Variants in TJAP1 observed in about 807,000 individuals in gnomAD.
TJAP1 encodes tight junction associated protein 1.
In TJAP1, 27 loss-of-function variants were observed where a neutral mutation model predicts 42.0. That is an observed-to-expected ratio of 0.64 (90% confidence interval 0.47 to 0.89). TJAP1 has a LOEUF of 0.89. Among genes scored for constraint, TJAP1 ranks in the 40% least tolerant of loss-of-function variants. The probability of loss-of-function intolerance (pLI) is 0.00; values close to 1 mark genes in which losing one functional copy is unlikely to be tolerated. For synonymous variants in TJAP1, 257 were observed against 288.4 expected (o/e 0.89, Z 1.10); for missense variants, 712 against 726.9 (o/e 0.98, Z 0.24).
At position 43,505,965 on chromosome 6, in the gene TJAP1, C is replaced by T. The variant is rs1235841194; in HGVS notation, c.*110C>T. ...CCCTTGACCTCTCCTCTATCCAGAC[C>T]CGCACAGCTGTTTCCTGTGTGGATG... On this transcript the variant is annotated 3_prime_UTR_variant, in exon 11 of 11. Transcript: ENST00000372449. This position sits in a 1 kb window ranked among gnomAD's most constrained non-coding sequence, Gnocchi z 5.5. The T allele has an allele frequency of 3.3e-6, 4 of 1,207,792 alleles. No individual in the cohort carries two copies. In the East Asian group the frequency reaches 8.1e-5, roughly 25 times the overall value. 74.8% of individuals were successfully genotyped at this position (1,207,792 alleles called of 1,614,324 possible).
At chr6:43,490,696 G>A (rs925209801) in intron 2 of TJAP1, among the ~76,000 whole-genome samples, 6 of 152,198 alleles carry the variant, frequency 3.9e-5, no homozygotes, top group African/African-American at 7.2e-5. Flanking sequence ...ATTGGTGACC[G>A]TTGCTCTGGG....
At chr6:43,484,091 A>T (rs1785907383) in intron 2 of TJAP1, among the ~76,000 whole-genome samples, 1 of 152,062 alleles carries the variant, frequency 6.6e-6, no homozygotes, top group African/African-American at 2.4e-5. Context: ...ACAAAAAAAA[A>T]AATAAAATAT....
At position 43,495,258 on chromosome 6, in the gene TJAP1, C is replaced by T. The variant is rs1245498421; in HGVS notation, c.-121-2623C>T. Among the ~76,000 whole-genome samples, 2 of 152,258 alleles carry T rather than the reference C, an allele frequency of 1.3e-5. No individual in the cohort carries two copies. Among genetic ancestry groups the T allele is most frequent in the Non-Finnish European group, 2.9e-5 (2 of 68,048 alleles). Reference sequence around the variant, plus strand: ...ATGCTTCTCTCTTTGTTATCCACTGCACCATGCATCACTGTCCTCCTTGGG... The same window carrying T: ...ATGCTTCTCTCTTTGTTATCCACTGTACCATGCATCACTGTCCTCCTTGGG... On this transcript the variant is annotated intron_variant, in intron 2 of 10. Coordinates refer to ENST00000372449, the Ensembl canonical transcript of TJAP1. This position sits in a 1 kb window ranked among gnomAD's most constrained non-coding sequence, Gnocchi z 4.6.
In TJAP1 at chr6:43,492,937, A is replaced by G. The variant is rs541963078; in HGVS notation, c.-121-4944A>G. On this transcript the variant is annotated intron_variant, in intron 2 of 10. Transcript: ENST00000372449. This position sits in a 1 kb window ranked among gnomAD's most constrained non-coding sequence, Gnocchi z 4.2. Reference sequence around the variant, plus strand: ...ACATCCAGCACTTACAGCTCAGGACAGTTCCTGAGGGGGAGGCCCCAGTCC... The same window carrying G: ...ACATCCAGCACTTACAGCTCAGGACGGTTCCTGAGGGGGAGGCCCCAGTCC... 3.3e-5 allele frequency among the ~76,000 whole-genome samples: 5 copies of G among 152,176 alleles called. No individual in the cohort carries two copies. Among genetic ancestry groups the G allele is most frequent in the Non-Finnish European group, 5.9e-5 (4 of 68,028 alleles).
intron 8 of TJAP1, chr6:43,503,024 C>G: frequency 2.2e-6 from 1 of 448,050 alleles, no homozygotes. Context: ...CTTCCCTCTC[C>G]TAGCCTGATG....
In TJAP1 at chr6:43,505,186, T is replaced by C. The variant is rs763262794; in HGVS notation, c.1005T>C (p.Ser335=). ...CTGGCCGCAGGGTAATAGAGTTCTC[T>C]GAGGATAAGGTTCGGATCCCCCGCA... The change falls in exon 11 of 11, where the codon TCT becomes TCC. Residue 335 remains serine, a synonymous_variant. Coordinates refer to ENST00000372449, the Ensembl canonical transcript of TJAP1. This position sits in a 1 kb window ranked among gnomAD's most constrained non-coding sequence, Gnocchi z 5.5. 1 of 1,614,174 alleles carries C rather than the reference T, an allele frequency of 6.2e-7. No individual in the cohort carries two copies. The highest frequency in any genetic ancestry group is 8.5e-7 in the Non-Finnish European group (1 of 1,180,014).
At chr6:43,506,098 A>G (rs1471635653) in exon 11 of TJAP1, 2 of 381,224 alleles carry the variant, frequency 5.2e-6, no homozygotes, top group African/African-American at 2.1e-5. Flanking sequence ...CAGAGGTAAC[A>G]TGCAGTTGGG....
At chr6:43,494,189 T>C (rs1788491798) in intron 2 of TJAP1, among the ~76,000 whole-genome samples, 2 of 152,186 alleles carry the variant, frequency 1.3e-5, no homozygotes, top group Non-Finnish European at 2.9e-5. Flanking sequence ...AATTGCAACA[T>C]GGCAATTAGG....
intron 8 of TJAP1, 69 bp from the exon 9 acceptor site, chr6:43,503,332 G>C (rs1791408953): frequency 1.6e-6 from 2 of 1,227,884 alleles, no homozygotes; most frequent in Non-Finnish European, 2.4e-6. Flanking sequence ...CTCCAGGATG[G>C]GAGGAGGTGG....
At chr6:43,503,579 T>C (rs1791472110) in intron 9 of TJAP1, 44 bp from the exon 10 acceptor site, 1 of 1,611,276 alleles carries the variant, frequency 6.2e-7, no homozygotes, top group Non-Finnish European at 8.5e-7. Context: ...CCTGCTTCCT[T>C]GGAGAGGGCT....
In TJAP1 at chr6:43,505,761, GC is replaced by G; in HGVS notation, c.1585del (p.Gln529SerfsTer18). The G allele has an allele frequency of 2.6e-6, 4 of 1,517,936 alleles. No homozygotes were observed. The highest frequency in any genetic ancestry group is 1.3e-5 in the South Asian group (1 of 75,854). The allele number at this position is 1,517,936 out of a possible 1,614,324, so 94.0% of individuals were successfully genotyped here. A position where few individuals can be genotyped will look rare whatever the true frequency, so the allele number is the denominator to read the frequency against. On this transcript the variant is annotated frameshift_variant, in exon 11 of 11. Coordinates refer to ENST00000372449, the Ensembl canonical transcript of TJAP1. LOFTEE classifies it high-confidence loss of function. The surrounding 1 kb of genome is among the most constrained non-coding windows in gnomAD (Gnocchi z 5.5). ...GCCTGGCCACTCCCCAGCTCCAGTCGCCCCCAGCGCAGCCCCAAGAGGATGG... is the reference window on the plus strand; with the variant it reads ...GCCTGGCCACTCCCCAGCTCCAGTCGCCCCAGCGCAGCCCCAAGAGGATGG...
At position 43,491,679 on chromosome 6, in the gene TJAP1, A is replaced by G. The variant is rs1331685895; in HGVS notation, c.-121-6202A>G. ...TTAAGGATTTATAGTACTGATCAAT[A>G]TCCATGTGGAAATGAATTTTATTAT... On this transcript the variant is annotated intron_variant, in intron 2 of 10. Transcript: ENST00000372449. The surrounding 1 kb of genome is among the most constrained non-coding windows in gnomAD (Gnocchi z 4.6). Among the ~76,000 whole-genome samples the G allele has an allele frequency of 6.6e-6, 1 of 152,236 alleles. No homozygotes were observed. Among genetic ancestry groups the G allele is most frequent in the Non-Finnish European group, 1.5e-5 (1 of 68,030 alleles).
intron 2 of TJAP1, among the ~76,000 whole-genome samples, chr6:43,494,463 A>C (rs1194029737): frequency 2.0e-5 from 3 of 151,964 alleles, no homozygotes; most frequent in African/African-American, 7.3e-5. Flanking sequence ...GCCCCAGGCC[A>C]CGCTAGGTCA....
rs764777710 is a variant in TJAP1, at chr6:43,504,756, C to T, written c.580-5C>T. On this transcript the variant is annotated splice_polypyrimidine_tract_variant and splice_region_variant and intron_variant, in intron 10 of 10. Coordinates refer to ENST00000372449, the Ensembl canonical transcript of TJAP1. ...ATGTCTCTCTTTCCTGCTCTTTTAC[C>T]TCAGCTGCCCTGTGAGCTACAGGAC... 2 of 1,605,544 alleles carry T rather than the reference C, an allele frequency of 1.2e-6. No homozygotes were observed. The highest frequency in any genetic ancestry group is 1.7e-6 in the Non-Finnish European group (2 of 1,173,546).
In TJAP1 at chr6:43,502,631, T is replaced by G. The variant is rs1396385073; in HGVS notation, c.387+14T>G. 1 of 1,551,734 alleles carries G rather than the reference T, an allele frequency of 6.4e-7. No homozygotes were observed. On this transcript the variant is annotated intron_variant, in intron 8 of 10. Transcript: ENST00000372449. The stretch of plus-strand genomic sequence containing the variant: ...TGGATTTTTGCAGTTGCGTCTGAGT[T>G]TGTGTGTCTTCTCCCTTGCCCTGGC...
exon 8 of TJAP1, chr6:43,502,612 T>G: frequency 6.4e-7 from 1 of 1,551,784 alleles, no homozygotes; most frequent in Non-Finnish European, 8.7e-7. Flanking sequence ...CAGCTGGATT[T>G]TTGCAGTTGC....
chr6:43,485,601 A>C (rs1786273783), intron 2 of TJAP1, among the ~76,000 whole-genome samples: 1 of 152,162 alleles, frequency 6.6e-6, no homozygotes. Context: ...CTCTCAAAGC[A>C]CTCAACCACA....
At position 43,505,340 on chromosome 6, in the gene TJAP1, C is replaced by T; in HGVS notation, c.1159C>T (p.His387Tyr). The change falls in exon 11 of 11, where the codon CAC becomes TAC. Residue 387 changes from histidine (H) to tyrosine (Y), a missense_variant. Around this residue, in one of 3 missense-constraint regions of TJAP1, gnomAD observed 549 missense variants for 528.2 expected, o/e 1.04. Coordinates refer to ENST00000372449, the Ensembl canonical transcript of TJAP1. This position sits in a 1 kb window ranked among gnomAD's most constrained non-coding sequence, Gnocchi z 5.5. ...CCCTGCCTCAGCCCAGGCCTCACCC[C>T]ACCACCAGCCCAGCCCAGCACCCCT... is the stretch of plus-strand genomic sequence containing the variant. The T allele has an allele frequency of 1.9e-6, 3 of 1,609,234 alleles. No individual in the cohort carries two copies. Among genetic ancestry groups the T allele is most frequent in the Non-Finnish European group, 2.5e-6 (3 of 1,179,504 alleles).
At chr6:43,481,508 A>G (rs1385943640) in intron 2 of TJAP1, among the ~76,000 whole-genome samples, 2 of 144,244 alleles carry the variant, frequency 1.4e-5, no homozygotes, top group Non-Finnish European at 3.1e-5. Flanking sequence ...AAAACTTAAC[A>G]GTCAATGTCT....
Sources: gnomAD v4.1 joint callset for allele counts (sites outside exome capture counted in the v4.1 genomes callset) on GRCh38, gnomAD v4.1.1 for gene constraint, gnomAD v4.1.1 regional missense constraint, Gnocchi (gnomAD v3.1) non-coding constraint, MANE v1.5 for transcripts, NCBI Gene and HGNC (gene_info 2026-07-23, HGNC 2026-07-21) for gene names.